YIPF1: variants seen among roughly 807,000 people sequenced by gnomAD.
YIPF1 encodes the protein protein YIPF1.
Under a neutral mutation model 37.0 loss-of-function variants are expected in YIPF1, and 22 were observed. That is an observed-to-expected ratio of 0.59 (90% CI 0.42 to 0.85). YIPF1 has a LOEUF of 0.85. Among genes scored for constraint, YIPF1 ranks in the 40% least tolerant of loss-of-function variants. YIPF1 has a pLI of 0.00. For synonymous variants in YIPF1, 128 were observed against 131.9 expected, an observed-to-expected ratio of 0.97 and a Z score of 0.21; for missense variants, 355 against 373.1, an observed-to-expected ratio of 0.95 and a Z score of 0.40.
At chr1:53,889,133 C>A (rs930184437) in intron 2 of YIPF1, 111 bp downstream of exon 2, 17 of 470,372 alleles carry the variant, frequency 3.6e-5, no homozygotes, top group African/African-American at 2.1e-4. Context: ...CACTAAGCAT[C>A]AGGTATTATT....
chr1:53,864,920 C>T (rs1288122723), intron 9 of YIPF1, among the ~76,000 whole-genome samples: 1 of 152,006 alleles, frequency 6.6e-6, no homozygotes, highest in South Asian at 2.1e-4. Context: ...GGAAATATAC[C>T]CATGTCACAG....
chr1:53,877,621 T>C (rs7541049), intron 6 of YIPF1, among the ~76,000 whole-genome samples: 68,089 of 151,888 alleles, frequency 0.45, 16,440 homozygotes, highest in African/African-American at 0.64. Flanking sequence ...AATCCTGTTT[T>C]AGACTTCCAC....
intron 9 of YIPF1, 126 bp downstream of exon 9, chr1:53,866,074 A>G (rs1276733938): frequency 1.6e-6 from 2 of 1,237,896 alleles, no homozygotes; most frequent in East Asian, 5.3e-5. Context: ...TATTGGGATT[A>G]TGGGTGTGAG....
At chr1:53,877,275 G>A (rs151092001) in intron 6 of YIPF1, among the ~76,000 whole-genome samples, 262 of 152,254 alleles carry the variant, frequency 1.7e-3, no homozygotes, top group Middle Eastern at 0.01. Flanking sequence ...CAGTGCAATG[G>A]TTTTCACACC....
At chr1:53,882,876 G>C in intron 4 of YIPF1, 1 of 368,544 alleles carries the variant, frequency 2.7e-6, no homozygotes, top group Non-Finnish European at 4.8e-6. Context: ...GAGCATGGGA[G>C]TCCCACATTC....
At chr1:53,854,433 T>C (rs532482575) in intron 10 of YIPF1, among the ~76,000 whole-genome samples, 15 of 152,262 alleles carry the variant, frequency 9.9e-5, no homozygotes, top group African/African-American at 2.9e-4. Context: ...CTCTTGAAGA[T>C]TGCCTCTACC....
rs59740572 is a variant in YIPF1 at position 53,866,664 on chromosome 1, G to A, written c.648+94C>T. On this transcript the variant is annotated intron_variant, in intron 8 of 10. Transcript: ENST00000072644. Reference sequence around the variant, plus strand: ...TTTTTCAGAAGAACATGAGTATTGCGCTGGAAATAATGATGGTAGGTCAAA... The same window carrying A: ...TTTTTCAGAAGAACATGAGTATTGCACTGGAAATAATGATGGTAGGTCAAA... 4.2e-3 allele frequency: 5,979 copies of A among 1,420,076 alleles called. 202 individuals are homozygous for A. The African/African-American group carries it at 0.073, about 17-fold the overall frequency. 88.0% of individuals were successfully genotyped at this position (1,420,076 alleles called of 1,614,324 possible). A position where few individuals can be genotyped will look rare whatever the true frequency, so the allele number is the denominator to read the frequency against.
chr1:53,865,002 G>T (rs1649979460), intron 9 of YIPF1, among the ~76,000 whole-genome samples: 1 of 152,132 alleles, frequency 6.6e-6, no homozygotes, highest in Non-Finnish European at 1.5e-5. Context: ...GACAGAGCCG[G>T]TCTTCAATCT....
chr1:53,866,761 G>A lies in YIPF1; in HGVS notation c.645C>T (p.Thr215=), dbSNP rs189596259. The stretch of plus-strand genomic sequence containing the variant: ...ACTCCCTAAGTATGGTACTTACTGC[G>A]GTGGGGATATAAATGAAGAGGGAAT... ...YGYSLFIYIP[T]AILWIIPQKA... is the part of the protein sequence containing the mutation. Residue 215 remains threonine, a synonymous_variant, in exon 8 of 11, where the codon ACC becomes ACT. Transcript: ENST00000072644. 69 of 1,612,728 alleles carry A rather than the reference G, an allele frequency of 4.3e-5. No homozygotes were observed. Among genetic ancestry groups the A allele is most frequent in the African/African-American group, 4.0e-5 (3 of 75,002 alleles).
At chr1:53,865,626 T>G (rs1316957257) in intron 9 of YIPF1, among the ~76,000 whole-genome samples, 1 of 152,034 alleles carries the variant, frequency 6.6e-6, no homozygotes, top group Non-Finnish European at 1.5e-5. Context: ...AACAAATGTA[T>G]ACAGACACTC....
At chr1:53,889,115 A>G in intron 2 of YIPF1, 129 bp from the exon 3 acceptor site, 1 of 499,758 alleles carries the variant, frequency 2.0e-6, no homozygotes, top group East Asian at 2.9e-5. Context: ...GGTTTATATA[A>G]AGATAACCAC....
chr1:53,858,223 T>C (rs1376006408), intron 10 of YIPF1, among the ~76,000 whole-genome samples: 1 of 152,110 alleles, frequency 6.6e-6, no homozygotes, highest in African/African-American at 2.4e-5. Flanking sequence ...GACTATGACA[T>C]TTTACAATAG....
At chr1:53,856,672 G>A (rs1649727185) in intron 10 of YIPF1, among the ~76,000 whole-genome samples, 1 of 152,188 alleles carries the variant, frequency 6.6e-6, no homozygotes, top group Non-Finnish European at 1.5e-5. Context: ...CTCCAACTGA[G>A]TCCCTCCCTT....
intron 3 of YIPF1, chr1:53,886,685 A>G (rs1231956908): frequency 1.3e-5 from 2 of 150,376 alleles, no homozygotes; most frequent in African/African-American, 4.9e-5. Context: ...AGCTTTCCCC[A>G]CCATCCGTGA....
intron 9 of YIPF1, among the ~76,000 whole-genome samples, chr1:53,861,651 A>G (rs952380950): frequency 7.7e-4 from 102 of 131,798 alleles, no homozygotes; most frequent in Non-Finnish European, 1.2e-3. Flanking sequence ...GAAGGAAGGA[A>G]GGAAGGGAGG....
rs187743433 is a variant in YIPF1 at position 53,889,461 on chromosome 1, C to T, written c.-267G>A. 1.5e-3 allele frequency: 232 copies of T among 156,692 alleles called. No homozygotes were observed. Among genetic ancestry groups the T allele is most frequent in the Middle Eastern group, 0.01 (3 of 300 alleles). The allele number at this position is 156,692 out of a possible 1,614,324, so 9.7% of individuals were successfully genotyped here. On this transcript the variant is annotated splice_region_variant and 5_prime_UTR_variant, in exon 2 of 11. It removes an upstream start codon present in the reference 5' UTR. Transcript: ENST00000072644. ...GCGCTCCTCGCGGCCTCAGTTTCCT[C>T]ATCTGTAAAATGGGTGCATAACGAT...
chr1:53,878,474 AACTC>A, intron 5 of YIPF1, 72 bp from the exon 6 acceptor site: 1 of 1,545,060 alleles, frequency 6.5e-7, no homozygotes, highest in Non-Finnish European at 8.9e-7. Flanking sequence ...ACAAAATTGA[AACTC>A]AGTCATTAGA....
rs1321978665 is a variant in YIPF1, at chr1:53,852,250, G to A, written c.*29C>T. On this transcript the variant is annotated 3_prime_UTR_variant, in exon 11 of 11. Coordinates refer to ENST00000072644, the MANE Select transcript of YIPF1 (RefSeq NM_018982.5). The stretch of plus-strand genomic sequence containing the variant: ...TGGATGCCACTTCCCAAAGAACCAT[G>A]CTCCAAAAAACAAAAGAGAACTGAA... 6.6e-6 allele frequency: 1 copy of A among 152,092 alleles called. No individual in the cohort carries two copies. The highest frequency in any genetic ancestry group is 1.5e-5 in the Non-Finnish European group (1 of 68,064). 9.4% of individuals were successfully genotyped at this position (152,092 alleles called of 1,614,324 possible). A position where few individuals can be genotyped will look rare whatever the true frequency, so the allele number is the denominator to read the frequency against.
At chr1:53,876,366 T>G (rs1306879100) in intron 6 of YIPF1, among the ~76,000 whole-genome samples, 1 of 152,234 alleles carries the variant, frequency 6.6e-6, no homozygotes, top group Non-Finnish European at 1.5e-5. Flanking sequence ...TTAGGTGAAA[T>G]GTAGTCAAAG....
Sources: gnomAD v4.1 joint callset for allele counts (sites outside exome capture counted in the v4.1 genomes callset) on GRCh38, gnomAD v4.1.1 for gene constraint, MANE v1.5 for transcripts, NCBI Gene and HGNC (gene_info 2026-07-23, HGNC 2026-07-21) for gene names.